ZIC4: variants seen among roughly 807,000 people sequenced by gnomAD.
The protein encoded by ZIC4 is zinc finger protein ZIC 4.
ZIC4 carries 15 observed loss-of-function variants against 28.8 expected under a neutral mutation model. The ratio of observed to expected loss-of-function variants is 0.52; its 90% CI spans 0.35 to 0.80. The LOEUF (loss-of-function observed/expected upper bound fraction) is 0.80. Ranked by LOEUF, ZIC4 falls within the 30% of genes least tolerant of loss-of-function variation. The pLI is 0.01. For synonymous variants in ZIC4, 220 were observed against 198.1 expected (o/e 1.11, Z -0.93); for missense variants, 512 against 467.1 (o/e 1.10, Z -0.89).
intron 1 of ZIC4, 39 bp from the exon 2 acceptor site, chr3:147,402,851 A>G: frequency 1.3e-6 from 2 of 1,548,420 alleles, no homozygotes; most frequent in Non-Finnish European, 1.8e-6. Flanking sequence ...CTAGTTAAAC[A>G]ATTTTACACG....
At chr3:147,403,386 G>A (rs2087209379) in intron 1 of ZIC4, among the ~76,000 whole-genome samples, 1 of 152,098 alleles carries the variant, frequency 6.6e-6, no homozygotes, top group African/African-American at 2.4e-5. Flanking sequence ...TTCATCACCG[G>A]TTGACTTTTT....
At chr3:147,404,849 G>A (rs1388544480) in intron 1 of ZIC4, among the ~76,000 whole-genome samples, 1 of 152,220 alleles carries the variant, frequency 6.6e-6, no homozygotes, top group East Asian at 1.9e-4. Flanking sequence ...AAGGTCAGAG[G>A]TCAGCTGCAG....
At chr3:147,390,688 G>C (rs1464561993) in intron 4 of ZIC4, among the ~76,000 whole-genome samples, 3 of 152,176 alleles carry the variant, frequency 2.0e-5, no homozygotes, top group Non-Finnish European at 4.4e-5. Context: ...CATTATATTA[G>C]CGTATTCAGT....
At chr3:147,397,742 G>GC (rs2087080660) in intron 2 of ZIC4, among the ~76,000 whole-genome samples, 1 of 152,184 alleles carries the variant, frequency 6.6e-6, no homozygotes, top group South Asian at 2.1e-4. Flanking sequence ...TGACTCAGGA[G>GC]CCAGGAGCTG....
chr3:147,387,653 C>T lies in ZIC4; in HGVS notation c.*1206G>A, dbSNP rs1278508430. 2 of 152,626 alleles carry T rather than the reference C, an allele frequency of 1.3e-5. No homozygotes were observed. Among genetic ancestry groups the T allele is most frequent in the African/African-American group, 2.4e-5 (1 of 41,436 alleles). 9.5% of individuals were successfully genotyped at this position (152,626 alleles called of 1,614,324 possible). The stretch of plus-strand genomic sequence containing the variant: ...CTTTCCTGCCATCTTCCCCACATCC[C>T]CTTGGCCTTGGGCTCTTGAGTTTGC... On this transcript the variant is annotated 3_prime_UTR_variant, in exon 5 of 5. Transcript: ENST00000383075.
chr3:147,391,019 G>A lies in ZIC4; in HGVS notation c.916C>T (p.Leu306Phe), dbSNP rs2086903694. 1 of 1,613,698 alleles carries A rather than the reference G, an allele frequency of 6.2e-7. No individual in the cohort carries two copies. The highest frequency in any genetic ancestry group is 8.5e-7 in the Non-Finnish European group (1 of 1,179,972). The change falls in exon 4 of 5, where the codon CTC becomes TTC. Residue 306 changes from leucine (L) to phenylalanine (F), a missense_variant. By Grantham distance (22) the Leu-to-Phe change is conservative. This residue lies in a region of ZIC4 where 144 missense variants were observed against 116.8 expected (regional missense o/e 1.23). Coordinates refer to ENST00000383075, the MANE Select transcript of ZIC4 (RefSeq NM_032153.6). ...CCGCAGTCCGACGAGGGCGACACGA[G>A]GGCAGACGGTGTAGCCGAATCGTAG... The part of the protein sequence containing the change: ...SGYDSATPSA[L>F]VSPSSDCGHK...
In ZIC4 at chr3:147,387,332, C is replaced by T. The variant is rs1228732013; in HGVS notation, c.*1527G>A. The T allele has an allele frequency of 6.6e-6, 1 of 152,584 alleles. No individual in the cohort carries two copies. Among genetic ancestry groups the T allele is most frequent in the Non-Finnish European group, 1.5e-5 (1 of 68,018 alleles). 9.5% of individuals were successfully genotyped at this position (152,584 alleles called of 1,614,324 possible). A position where few individuals can be genotyped will look rare whatever the true frequency, so the allele number is the denominator to read the frequency against. Reference sequence around the variant, plus strand: ...TTATCTCTTTAGAAACGGTTTGAAACTAACGGGGCAGAGGGAGTTTGACAG... The same window carrying T: ...TTATCTCTTTAGAAACGGTTTGAAATTAACGGGGCAGAGGGAGTTTGACAG... On this transcript the variant is annotated 3_prime_UTR_variant, in exon 5 of 5. Transcript: ENST00000383075.
Position 147,396,526 on chromosome 3 carries a change from C to T in ZIC4, c.71-57G>A. On this transcript the variant is annotated intron_variant, in intron 2 of 4. Transcript: ENST00000383075. The surrounding 1 kb of genome is among the most constrained non-coding windows in gnomAD (Gnocchi z 4.2). ...CGGGTGGCGTGGGCTGCGCGCTCTT[C>T]CCTGGGCCCCGGGGGGCAGGCCCAG... 1 of 1,484,530 alleles carries T rather than the reference C, an allele frequency of 6.7e-7. No individual in the cohort carries two copies. The highest frequency in any genetic ancestry group is 8.9e-7 in the Non-Finnish European group (1 of 1,127,254). The allele number at this position is 1,484,530 out of a possible 1,614,324, so 92.0% of individuals were successfully genotyped here. A position where few individuals can be genotyped will look rare whatever the true frequency, so the allele number is the denominator to read the frequency against.
In ZIC4 at chr3:147,396,724, G is replaced by A; in HGVS notation, c.71-255C>T. The A allele has an allele frequency of 2.2e-6, 1 of 449,224 alleles. No individual in the cohort carries two copies. The highest frequency in any genetic ancestry group is 5.6e-5 in the South Asian group (1 of 17,836). 27.8% of individuals were successfully genotyped at this position (449,224 alleles called of 1,614,324 possible). ...GCTAGAGAGGGATGGTAGCGGCAGA[G>A]TAGATGTAAGGGGTAATGGAAGGCG... On this transcript the variant is annotated intron_variant, in intron 2 of 4. Coordinates refer to ENST00000383075, the MANE Select transcript of ZIC4 (RefSeq NM_032153.6). The surrounding 1 kb of genome is among the most constrained non-coding windows in gnomAD (Gnocchi z 4.2).
Position 147,388,747 on chromosome 3 carries a change from A to G in ZIC4, c.*112T>C. ...AAATCCTAACTTACCATGAAGATGC[A>G]CCGTGGCGAAGAAACACTGCTTTGT... On this transcript the variant is annotated 3_prime_UTR_variant, in exon 5 of 5. Transcript: ENST00000383075. 1.4e-6 allele frequency: 1 copy of G among 721,312 alleles called. No individual in the cohort carries two copies. Among genetic ancestry groups the G allele is most frequent in the South Asian group, 1.5e-5 (1 of 65,768 alleles). The allele number at this position is 721,312 out of a possible 1,614,324, so 44.7% of individuals were successfully genotyped here.
chr3:147,395,978 T>C lies in ZIC4; in HGVS notation c.562A>G (p.Lys188Glu), dbSNP rs780022816. ...CPRQGKPFKA[K>E]YKLVNHIRVH... ...CGGATGTGATTTACAAGTTTGTATT[T>C]GGCTTTGAAGGGCTTTCCCTGGCGC... Residue 188 changes from lysine (K) to glutamate (E), a missense_variant, in exon 3 of 5, where the codon AAA becomes GAA. Physicochemically the swap from Lys to Glu is moderately conservative, Grantham distance 56 (BLOSUM62 1). Around this residue, in one of 3 missense-constraint regions of ZIC4, gnomAD observed 58 missense variants for 93.8 expected, o/e 0.62. Coordinates refer to ENST00000383075, the MANE Select transcript of ZIC4 (RefSeq NM_032153.6). The C allele has an allele frequency of 6.2e-7, 1 of 1,614,238 alleles. No individual in the cohort carries two copies.
intron 3 of ZIC4, chr3:147,393,509 G>GA: frequency 5.1e-6 from 1 of 195,614 alleles, no homozygotes; most frequent in Non-Finnish European, 1.1e-5. Context: ...GAGCGTCCTA[G>GA]GCCCGGGGCT....
At chr3:147,398,482 T>C (rs1381799409) in intron 2 of ZIC4, among the ~76,000 whole-genome samples, 2 of 144,638 alleles carry the variant, frequency 1.4e-5, no homozygotes, top group Non-Finnish European at 3.0e-5. Flanking sequence ...AAGTTCTGGC[T>C]CAGTCGAGTG....
Position 147,396,034 on chromosome 3 carries a change from G to T in ZIC4, c.506C>A (p.Ala169Asp), listed in dbSNP as rs62001026. 1.2e-6 allele frequency: 2 copies of T among 1,614,236 alleles called. No individual in the cohort carries two copies. The highest frequency in any genetic ancestry group is 3.3e-5 in the Admixed American group (2 of 60,032). ...CTCCTCCCAGAAGCAAATGTGGTTG[G>T]CCTGTTCCGGGCCGCCGACGTGCTC... ...TVEHVGGPEQ[A>D]NHICFWEECP... Residue 169 changes from alanine (A) to aspartate (D), a missense_variant, in exon 3 of 5, where the codon GCC becomes GAC. Around this residue, in one of 3 missense-constraint regions of ZIC4, gnomAD observed 310 missense variants for 256.5 expected, o/e 1.21. Transcript: ENST00000383075. This position sits in a 1 kb window ranked among gnomAD's most constrained non-coding sequence, Gnocchi z 4.2.
chr3:147,404,311 A>C (rs1374503653), intron 1 of ZIC4: 2 of 1,383,270 alleles, frequency 1.4e-6, no homozygotes, highest in Non-Finnish European at 1.9e-6. Flanking sequence ...CCTTTTGTGC[A>C]CTACAGACCC....
At chr3:147,397,113 C>A (rs971650040) in intron 2 of ZIC4, 1 of 152,038 alleles carries the variant, frequency 6.6e-6, no homozygotes, top group Admixed American at 6.5e-5. Flanking sequence ...CTTCTTCTTC[C>A]CAAGGTTTGG....
intron 3 of ZIC4, among the ~76,000 whole-genome samples, chr3:147,394,651 C>A (rs2087000612): frequency 6.6e-6 from 1 of 151,962 alleles, no homozygotes; most frequent in South Asian, 2.1e-4. Flanking sequence ...GAGATCCATG[C>A]GACATTGTGG....
rs2086899912 is a variant in ZIC4 at position 147,390,925 on chromosome 3, A to G, written c.1004+6T>C. ...CGCTATGGGGCCCAAGCCCTGACAC[A>G]CGTACCATTCGCTCAAGTCGGCGGT... On this transcript the variant is annotated splice_donor_region_variant and intron_variant, in intron 4 of 4. Coordinates refer to ENST00000383075, the MANE Select transcript of ZIC4 (RefSeq NM_032153.6). 1 of 1,605,236 alleles carries G rather than the reference A, an allele frequency of 6.2e-7. No homozygotes were observed. Among genetic ancestry groups the G allele is most frequent in the Non-Finnish European group, 8.5e-7 (1 of 1,176,012 alleles).
chr3:147,405,872 C>G (rs2087266828), intron 1 of ZIC4: 1 of 241,858 alleles, frequency 4.1e-6, no homozygotes, highest in African/African-American at 2.3e-5. Context: ...AGCAGAGACT[C>G]TCCTAGCCAC....
Sources: allele counts gnomAD v4.1 joint callset (sites outside exome capture counted in the v4.1 genomes callset), GRCh38; gene constraint gnomAD v4.1.1; regional missense constraint gnomAD v4.1.1; non-coding constraint Gnocchi (gnomAD v3.1); transcripts MANE v1.5; gene names NCBI Gene and HGNC (gene_info 2026-07-23, HGNC 2026-07-21).